The following CYP2E1 variants were observed in gnomAD, a reference collection of about 807,000 sequenced individuals.
CYP2E1 encodes cytochrome P450 2E1.
CYP2E1 carries 31 observed loss-of-function variants against 42.9 expected under a neutral mutation model. The observed-to-expected ratio is 0.72, with a 90% CI of 0.54 to 0.98. The LOEUF (loss-of-function observed/expected upper bound fraction) is 0.98. CYP2E1 is among the 50% of genes least tolerant of loss of function. The probability of loss-of-function intolerance (pLI) is 0.00; values close to 1 mark genes in which losing one functional copy is unlikely to be tolerated. For missense variants in CYP2E1, 565 were observed against 633.2 expected, an observed-to-expected ratio of 0.89 and a Z score of 1.16; for synonymous variants, 244 against 248.9, an observed-to-expected ratio of 0.98 and a Z score of 0.19.
At chr10:133,534,692 C>T (rs1275975019) in intron 6 of CYP2E1, among the ~76,000 whole-genome samples, 2 of 152,112 alleles carry the variant, frequency 1.3e-5, no homozygotes, top group African/African-American at 2.4e-5. Context: ...GTGTGCCGCC[C>T]TCCTCCTGAA....
Position 133,537,086 on chromosome 10 carries a change from A to G in CYP2E1, c.991A>G (p.Arg331Gly). ...IEEKLHEEID[R>G]VIGPSRIPAI... ...AGAGAAGCTCCATGAAGAAATTGAC[A>G]GGGTGATTGGGCCAAGCCGAATCCC... Residue 331 changes from arginine (R) to glycine (G), a missense_variant, in exon 7 of 9, where the codon AGG becomes GGG. By Grantham distance (125) the Arg-to-Gly change is moderately radical. Coordinates refer to ENST00000252945, the MANE Select transcript of CYP2E1 (RefSeq NM_000773.4). The G allele has an allele frequency of 6.2e-7, 1 of 1,613,830 alleles. No homozygotes were observed. Among genetic ancestry groups the G allele is most frequent in the Non-Finnish European group, 8.5e-7 (1 of 1,179,820 alleles).
At chr10:133,531,443 C>T in intron 2 of CYP2E1, 142 bp from the exon 3 acceptor site, 1 of 1,003,532 alleles carries the variant, frequency 1.0e-6, no homozygotes, top group Non-Finnish European at 1.5e-6. Flanking sequence ...CTGGGACACC[C>T]CTCTGTCTCT....
chr10:133,539,122 T>C lies in CYP2E1; in HGVS notation c.*158T>C, dbSNP rs1851445173. On this transcript the variant is annotated 3_prime_UTR_variant, in exon 9 of 9. Transcript: ENST00000252945. Reference sequence around the variant, plus strand: ...AATCATCACATGATTATTTTAACTATATGTTAAGTCATGGAATATCTTAAT... The same window carrying C: ...AATCATCACATGATTATTTTAACTACATGTTAAGTCATGGAATATCTTAAT... 1.9e-6 allele frequency: 1 copy of C among 521,562 alleles called. No individual in the cohort carries two copies. The highest frequency in any genetic ancestry group is 1.9e-5 in the African/African-American group (1 of 52,250). 32.3% of individuals were successfully genotyped at this position (521,562 alleles called of 1,614,324 possible).
At position 133,537,817 on chromosome 10, in the gene CYP2E1, A is replaced by G. The variant is rs1304810209; in HGVS notation, c.1222A>G (p.Lys408Glu). ...CAACCAAGAATTTCCTGATCCAGAA[A>G]AGTTTAAGCCAGAACACTTCCTGAA... ...YDNQEFPDPE[K>E]FKPEHFLNEN... The change falls in exon 8 of 9, where the codon AAG becomes GAG. Residue 408 changes from lysine to glutamate, a missense_variant. By Grantham distance (56) the Lys-to-Glu change is moderately conservative (BLOSUM62 1). Coordinates refer to ENST00000252945, the MANE Select transcript of CYP2E1 (RefSeq NM_000773.4). 1 of 1,613,756 alleles carries G rather than the reference A, an allele frequency of 6.2e-7. No individual in the cohort carries two copies. Among genetic ancestry groups the G allele is most frequent in the African/African-American group, 1.3e-5 (1 of 74,878 alleles).
intron 6 of CYP2E1, among the ~76,000 whole-genome samples, 162 bp downstream of exon 6, chr10:133,534,059 G>A (rs1040852058): frequency 1.3e-5 from 2 of 152,168 alleles, no homozygotes; most frequent in African/African-American, 4.8e-5. Context: ...AGGTGTTATG[G>A]TCTGTGCTGA....
chr10:133,536,991 G>GGTGGATGATGT, intron 6 of CYP2E1, 72 bp from the exon 7 acceptor site: 1 of 1,427,806 alleles, frequency 7.0e-7, no homozygotes, highest in Non-Finnish European at 9.7e-7. Context: ...TGAATAGATG[G>GGTGGATGATGT]GTGGATGATG....
In CYP2E1 at chr10:133,532,853, C is replaced by T. The variant is rs370454377; in HGVS notation, c.810C>T (p.Leu270=). ...CCCGGGACCTCACCGACTGCCTGCT[C>T]GTGGAAATGGAGAAGGTAGGCTCGG... ...NCPRDLTDCL[L]VEMEKEKHSA... is the part of the protein sequence containing the mutation. Residue 270 remains leucine (L), a synonymous_variant, in exon 5 of 9, where the codon CTC becomes CTT. Coordinates refer to ENST00000252945, the MANE Select transcript of CYP2E1 (RefSeq NM_000773.4). 37 of 1,604,548 alleles carry T rather than the reference C, an allele frequency of 2.3e-5. No homozygotes were observed. Among genetic ancestry groups the T allele is most frequent in the African/African-American group, 6.7e-5 (5 of 74,374 alleles).
Position 133,532,873 on chromosome 10 carries a change from G to C in CYP2E1, c.825+5G>C, listed in dbSNP as rs751317735. Reference sequence around the variant, plus strand: ...CTGCTCGTGGAAATGGAGAAGGTAGGCTCGGCCCTCCCATGATGTGGGCTC... The same window carrying C: ...CTGCTCGTGGAAATGGAGAAGGTAGCCTCGGCCCTCCCATGATGTGGGCTC... On this transcript the variant is annotated splice_donor_5th_base_variant and intron_variant, in intron 5 of 8. Transcript: ENST00000252945. 2.5e-6 allele frequency: 4 copies of C among 1,595,968 alleles called. No individual in the cohort carries two copies. The African/African-American group carries it at 5.4e-5, about 22-fold the overall frequency.
intron 6 of CYP2E1, among the ~76,000 whole-genome samples, chr10:133,534,882 G>A (rs1333051610): frequency 6.7e-6 from 1 of 149,562 alleles, no homozygotes; most frequent in Non-Finnish European, 1.5e-5. Context: ...TTTTTTTTGA[G>A]GGGACAGGGT....
At chr10:133,536,116 GC>G (rs1851391682) in intron 6 of CYP2E1, among the ~76,000 whole-genome samples, 1 of 152,138 alleles carries the variant, frequency 6.6e-6, no homozygotes, top group Admixed American at 6.5e-5. Flanking sequence ...CAATAAACAA[GC>G]CTGGGGTAAT....
intron 2 of CYP2E1, among the ~76,000 whole-genome samples, 179 bp from the exon 3 acceptor site, chr10:133,531,406 C>A (rs1269345589): frequency 6.6e-6 from 1 of 152,146 alleles, no homozygotes; most frequent in Non-Finnish European, 1.5e-5. Flanking sequence ...AAAACCTGAC[C>A]AGTGGCCGGT....
intron 6 of CYP2E1, among the ~76,000 whole-genome samples, chr10:133,536,613 GTGGGTGGGT>G (rs1851403698): frequency 3.1e-5 from 1 of 32,066 alleles, no homozygotes; most frequent in Non-Finnish European, 7.0e-5. Flanking sequence ...GGGTGGGTGG[GTGGGTGGGT>G]GGATGGATGG....
Position 133,533,747 on chromosome 10 carries a change from G to T in CYP2E1, c.826-9G>T. 7 of 1,613,734 alleles carry T rather than the reference G, an allele frequency of 4.3e-6. No homozygotes were observed. The highest frequency in any genetic ancestry group is 5.9e-6 in the Non-Finnish European group (7 of 1,179,844). ...CCCCTTCTCCTCCGGTCTGTCTCCG[G>T]TATCACAGGAAAAGCACAGTGCAGA... is the stretch of plus-strand genomic sequence containing the variant. On this transcript the variant is annotated splice_polypyrimidine_tract_variant and intron_variant, in intron 5 of 8. Coordinates refer to ENST00000252945, the MANE Select transcript of CYP2E1 (RefSeq NM_000773.4).
At chr10:133,531,155 G>A (rs947243835) in intron 2 of CYP2E1, among the ~76,000 whole-genome samples, 3 of 152,180 alleles carry the variant, frequency 2.0e-5, no homozygotes, top group Admixed American at 1.3e-4. Flanking sequence ...TGTGGTGTGA[G>A]GGTTAAAAAT....
rs773640853 is a variant in CYP2E1 at position 133,538,778 on chromosome 10, A to G, written c.1298-2A>G. 1.9e-6 allele frequency: 3 copies of G among 1,613,216 alleles called. No homozygotes were observed. Among genetic ancestry groups the G allele is most frequent in the Non-Finnish European group, 2.5e-6 (3 of 1,179,472 alleles). ...TCTCATCAATACCATTGTTACTTCTAGGAAAACGAGTGTGTGCTGGAGAAG... is the reference window on the plus strand; with the variant it reads ...TCTCATCAATACCATTGTTACTTCTGGGAAAACGAGTGTGTGCTGGAGAAG... On this transcript the variant is annotated splice_acceptor_variant, in intron 8 of 8. Transcript: ENST00000252945. LOFTEE classifies it high-confidence loss of function.
chr10:133,530,475 GC>G (rs1851322774), intron 2 of CYP2E1, among the ~76,000 whole-genome samples: 1 of 151,982 alleles, frequency 6.6e-6, no homozygotes, highest in African/African-American at 2.4e-5. Flanking sequence ...CTGCACCCCT[GC>G]CCCACCCACC....
At chr10:133,531,483 T>G in intron 2 of CYP2E1, 102 bp from the exon 3 acceptor site, 1 of 1,364,154 alleles carries the variant, frequency 7.3e-7, no homozygotes, top group Non-Finnish European at 1.0e-6. Context: ...GTCACTTCTT[T>G]ATACACCTGT....
At position 133,538,661 on chromosome 10, in the gene CYP2E1, GC is replaced by G. The variant is rs971541104; in HGVS notation, c.1298-117del. The G allele has an allele frequency of 2.5e-5, 21 of 841,662 alleles. No individual in the cohort carries two copies. The African/African-American group carries it at 3.0e-4, about 12-fold the overall frequency. The allele number at this position is 841,662 out of a possible 1,614,324, so 52.1% of individuals were successfully genotyped here. A position where few individuals can be genotyped will look rare whatever the true frequency, so the allele number is the denominator to read the frequency against. On this transcript the variant is annotated intron_variant, in intron 8 of 8. Transcript: ENST00000252945. ...TAATAGGCAGAGAAGGGTGAGTCCT[GC>G]CTTGTGATGGCCGTTTGCCCACAGC...
At chr10:133,538,247 A>G (rs1482672358) in intron 8 of CYP2E1, among the ~76,000 whole-genome samples, 1 of 152,202 alleles carries the variant, frequency 6.6e-6, no homozygotes, top group Non-Finnish European at 1.5e-5. Context: ...AACCAGAGCT[A>G]CTAAACAAAA....
Sources: allele counts gnomAD v4.1 joint callset (sites outside exome capture counted in the v4.1 genomes callset), GRCh38; gene constraint gnomAD v4.1.1; transcripts MANE v1.5; gene names NCBI Gene and HGNC (gene_info 2026-07-23, HGNC 2026-07-21).